Variants in DST observed in about 807,000 individuals in gnomAD.
The protein encoded by DST is bullous pemphigoid antigen.
DST carries 253 observed loss-of-function variants against 875.2 expected under a neutral mutation model. The observed-to-expected ratio is 0.29, with a 90% confidence interval of 0.26 to 0.32. DST has a LOEUF of 0.32. Ranked by LOEUF, DST falls within the 10% of genes least tolerant of loss-of-function variation. The pLI is 1.00. For synonymous variants in DST, 3,124 were observed against 3,197.1 expected, an observed-to-expected ratio of 0.98 and a Z score of 0.77; for missense variants, 8,287 against 9,111.6, an observed-to-expected ratio of 0.91 and a Z score of 3.68.
At chr6:56,642,206 T>C (rs1355707267) in intron 16 of DST, 105 bp from the exon 17 acceptor site, 2 of 1,038,366 alleles carry the variant, frequency 1.9e-6, no homozygotes, top group African/African-American at 1.6e-5. Context: ...GGGCTTTCTT[T>C]AGTTTTCCTT....
intron 3 of DST, among the ~76,000 whole-genome samples, chr6:56,852,421 T>C (rs965347067): frequency 6.6e-6 from 1 of 152,230 alleles, no homozygotes; most frequent in Non-Finnish European, 1.5e-5. Context: ...TCCTGGTCAT[T>C]ACACAGTGAA....
At chr6:56,722,498 C>T (rs1407648316) in intron 5 of DST, among the ~76,000 whole-genome samples, 1 of 152,188 alleles carries the variant, frequency 6.6e-6, no homozygotes, top group Non-Finnish European at 1.5e-5. Flanking sequence ...ATTCTCCTGC[C>T]TCAGCCTCCT....
chr6:56,784,688 G>A (rs1324624638), intron 4 of DST, among the ~76,000 whole-genome samples: 1 of 152,162 alleles, frequency 6.6e-6, no homozygotes, highest in Non-Finnish European at 1.5e-5. Context: ...CTGTAGCTCG[G>A]AGTAGTTTGA....
chr6:56,530,051 T>C lies in DST; in HGVS notation c.17191A>G (p.Ile5731Val). Residue 5731 changes from isoleucine (I) to valine (V), a missense_variant, in exon 65 of 104, where the codon ATA becomes GTA. By Grantham distance (29) the Ile-to-Val change is conservative. Around this residue, in one of 10 missense-constraint regions of DST, gnomAD observed 777 missense variants for 764.8 expected, o/e 1.02. Transcript: ENST00000680361. ...TCACAATTCACCAGCCTCTTTTCTATGGTTGTAAGCCACTCGTTCAGTGGT... is the reference window on the plus strand; with the variant it reads ...TCACAATTCACCAGCCTCTTTTCTACGGTTGTAAGCCACTCGTTCAGTGGT... ...LEPLNEWLTT[I>V]EKRLVNCEPI... 6.2e-7 allele frequency: 1 copy of C among 1,613,486 alleles called. No individual in the cohort carries two copies. The highest frequency in any genetic ancestry group is 8.5e-7 in the Non-Finnish European group (1 of 1,179,654).
intron 3 of DST, among the ~76,000 whole-genome samples, chr6:56,880,739 T>C (rs9464403): frequency 0.031 from 4,713 of 151,432 alleles, 244 homozygotes; most frequent in African/African-American, 0.11. Context: ...GTTCTGTTTT[T>C]CAACTTATCT....
At chr6:56,566,119 T>C (rs766773735) in intron 55 of DST, among the ~76,000 whole-genome samples, 17 of 152,222 alleles carry the variant, frequency 1.1e-4, no homozygotes, top group Non-Finnish European at 2.4e-4. Flanking sequence ...CAGTGGATCC[T>C]AGCTTGCTGG....
chr6:56,520,846 GAATGTGCT>G (rs1206829127), intron 69 of DST, among the ~76,000 whole-genome samples: 3 of 152,012 alleles, frequency 2.0e-5, no homozygotes, highest in Admixed American at 6.6e-5. Context: ...CCTTCAGGTA[GAATGTGCT>G]AATGTACACT....
At chr6:56,730,804 A>C (rs1484792721) in intron 5 of DST, among the ~76,000 whole-genome samples, 1 of 152,250 alleles carries the variant, frequency 6.6e-6, no homozygotes, top group Admixed American at 6.5e-5. Flanking sequence ...ATTCTGAAGA[A>C]TGATGAATCA....
At chr6:56,808,976 A>T (rs2099756636) in intron 4 of DST, among the ~76,000 whole-genome samples, 1 of 152,188 alleles carries the variant, frequency 6.6e-6, no homozygotes, top group Non-Finnish European at 1.5e-5. Flanking sequence ...AGTGCGGTGC[A>T]GCCTTCCTCA....
At chr6:56,794,893 C>A (rs2099736980) in intron 4 of DST, among the ~76,000 whole-genome samples, 2 of 152,242 alleles carry the variant, frequency 1.3e-5, no homozygotes, top group Middle Eastern at 6.8e-3. Flanking sequence ...AGATTCTGAT[C>A]CCAGGAGTTC....
At chr6:56,503,941 G>C in intron 78 of DST, 56 bp downstream of exon 78, 1 of 1,186,832 alleles carries the variant, frequency 8.4e-7, no homozygotes, top group Non-Finnish European at 1.2e-6. Flanking sequence ...AAAATTATGT[G>C]AATCAAGGAC....
At chr6:56,686,567 T>C (rs978612887) in intron 9 of DST, among the ~76,000 whole-genome samples, 8 of 152,212 alleles carry the variant, frequency 5.3e-5, no homozygotes, top group African/African-American at 1.9e-4. Context: ...CTAACAAAGT[T>C]TTAAGCTAAC....
chr6:56,622,514 G>C (rs918921951), intron 36 of DST, among the ~76,000 whole-genome samples: 13 of 134,384 alleles, frequency 9.7e-5, no homozygotes, highest in African/African-American at 3.5e-4. Context: ...GGCAGAGGTT[G>C]CAGTGAGCCG....
intron 50 of DST, among the ~76,000 whole-genome samples, chr6:56,575,917 G>A (rs553153215): frequency 3.3e-5 from 5 of 152,160 alleles, no homozygotes; most frequent in South Asian, 2.1e-4. Context: ...ATGAGGTGAC[G>A]CCTGGTGGCC....
intron 61 of DST, among the ~76,000 whole-genome samples, chr6:56,548,284 C>T (rs1175977769): frequency 1.3e-5 from 2 of 152,174 alleles, no homozygotes; most frequent in African/African-American, 2.4e-5. Flanking sequence ...ACAGGTGGGC[C>T]GTGGGCCATG....
intron 4 of DST, among the ~76,000 whole-genome samples, chr6:56,788,049 A>T: frequency 6.9e-6 from 1 of 144,216 alleles, no homozygotes; most frequent in East Asian, 2.1e-4. Context: ...AAATCACTTG[A>T]ACCTGGGAGG....
chr6:56,472,173 T>G lies in DST; in HGVS notation c.22044A>C (p.Gln7348His). Residue 7348 changes from glutamine to histidine, a missense_variant, in exon 94 of 104, where the codon CAA becomes CAC. Around this residue, in one of 10 missense-constraint regions of DST, gnomAD observed 1,292 missense variants for 1,552.7 expected, o/e 0.83. Coordinates refer to ENST00000680361, the MANE Select transcript of DST (RefSeq NM_001374736.1). Reference protein sequence around the residue: ...SSLYPSGSQTQIETKNPRVNL... With the variant: ...SSLYPSGSQTHIETKNPRVNL... Reference sequence around the variant, plus strand: ...TTACCCTAGGATTTTTGGTTTCAATTTGTGTCTGTGACCCAGAGGGATACA... The same window carrying G: ...TTACCCTAGGATTTTTGGTTTCAATGTGTGTCTGTGACCCAGAGGGATACA... 6.2e-7 allele frequency: 1 copy of G among 1,613,944 alleles called. No individual in the cohort carries two copies. The highest frequency in any genetic ancestry group is 1.1e-5 in the South Asian group (1 of 91,086).
chr6:56,509,965 G>A, intron 73 of DST, 92 bp from the exon 74 acceptor site: 2 of 983,174 alleles, frequency 2.0e-6, no homozygotes, highest in South Asian at 1.8e-5. Context: ...ACAATTTAAT[G>A]TCAGAATTAA....
rs1197393241 is a variant in DST at position 56,954,681 on chromosome 6, T to A, written c.-94A>T. ...CGCACGCCGGGACGGCGGGCACGGG[T>A]GAGCGCGGCTCAGCGCGTCATGCCT... On this transcript the variant is annotated 5_prime_UTR_variant, in exon 1 of 104. Coordinates refer to ENST00000680361, the MANE Select transcript of DST (RefSeq NM_001374736.1). The A allele has an allele frequency of 1.2e-6, 1 of 857,988 alleles. No homozygotes were observed. Among genetic ancestry groups the A allele is most frequent in the Non-Finnish European group, 1.4e-6 (1 of 693,746 alleles). 53.1% of individuals were successfully genotyped at this position (857,988 alleles called of 1,614,324 possible).
Sources: gnomAD v4.1 joint callset for allele counts (sites outside exome capture counted in the v4.1 genomes callset) on GRCh38, gnomAD v4.1.1 for gene constraint, gnomAD v4.1.1 regional missense constraint, MANE v1.5 for transcripts, NCBI Gene and HGNC (gene_info 2026-07-23, HGNC 2026-07-21) for gene names.